The following TNXB variants were observed in gnomAD, a reference collection of about 807,000 sequenced individuals.
TNXB encodes tenascin-X.
Under a neutral mutation model 340.5 loss-of-function variants are expected in TNXB, and 183 were observed. The observed-to-expected ratio is 0.54, with a 90% CI of 0.48 to 0.61. TNXB has a LOEUF of 0.61. Among genes scored for constraint, TNXB ranks in the 20% least tolerant of loss-of-function variants. TNXB has a pLI of 0.00. For synonymous variants in TNXB, 2,121 were observed against 2,314.5 expected (o/e 0.92, Z 2.40); for missense variants, 4,613 against 5,446.4 (o/e 0.85, Z 4.82).
In TNXB at chr6:32,072,300, T is replaced by C; in HGVS notation, c.4682-2A>G. The C allele has an allele frequency of 6.3e-7, 1 of 1,590,324 alleles. No homozygotes were observed. The highest frequency in any genetic ancestry group is 8.6e-7 in the Non-Finnish European group (1 of 1,166,456). ...TGGCTGGGGCTGGTGGGAGGGGAGC[T>C]GGGATTTGGGAAGACAAAGAACATG... is the stretch of plus-strand genomic sequence containing the variant. On this transcript the variant is annotated splice_acceptor_variant, in intron 12 of 43. Coordinates refer to ENST00000644971, the MANE Select transcript of TNXB (RefSeq NM_001365276.2). LOFTEE classifies it high-confidence loss of function. This position sits in a 1 kb window ranked among gnomAD's most constrained non-coding sequence, Gnocchi z 4.4.
chr6:32,066,338 G>A (rs1778336185), intron 18 of TNXB, among the ~76,000 whole-genome samples: 1 of 152,162 alleles, frequency 6.6e-6, no homozygotes, highest in Non-Finnish European at 1.5e-5. Flanking sequence ...GGGCTGCAGT[G>A]AGCTATGATC....
intron 11 of TNXB, chr6:32,078,632 T>C (rs548918422): frequency 6.0e-5 from 15 of 250,654 alleles, no homozygotes; most frequent in East Asian, 1.4e-4. Flanking sequence ...CTTAGATTCA[T>C]GTGCATTCTG....
At chr6:32,104,289 C>A (rs1266508602) in intron 1 of TNXB, among the ~76,000 whole-genome samples, 1 of 152,164 alleles carries the variant, frequency 6.6e-6, no homozygotes, top group Non-Finnish European at 1.5e-5. Context: ...TTGTAAAACA[C>A]CCCAGTCATC....
intron 11 of TNXB, among the ~76,000 whole-genome samples, chr6:32,077,718 C>T (rs1779156737): frequency 6.6e-6 from 1 of 152,204 alleles, no homozygotes; most frequent in South Asian, 2.1e-4. Flanking sequence ...AAGTCACTCA[C>T]TGGATGAGTA....
In TNXB at chr6:32,072,269, C is replaced by T. The variant is rs374179831; in HGVS notation, c.4711G>A (p.Ala1571Thr). ...CGTGGCTCCAGGGGAGGCTTGGAGGCCTCTGTGGCTGGGGCTGGTGGGAGG... is the reference window on the plus strand; with the variant it reads ...CGTGGCTCCAGGGGAGGCTTGGAGGTCTCTGTGGCTGGGGCTGGTGGGAGG... ...APLPPAPATE[A>T]SKPPLEPRLG... The change falls in exon 13 of 44, where the codon GCC (alanine) becomes ACC (threonine). Residue 1571 changes from alanine (A) to threonine (T), a missense_variant. Physicochemically the swap from Ala to Thr is moderately conservative, Grantham distance 58. Transcript: ENST00000644971. This position sits in a 1 kb window ranked among gnomAD's most constrained non-coding sequence, Gnocchi z 4.4. 28 of 1,603,992 alleles carry T rather than the reference C, an allele frequency of 1.7e-5. No homozygotes were observed. Among genetic ancestry groups the T allele is most frequent in the Non-Finnish European group, 2.0e-5 (23 of 1,174,398 alleles).
In TNXB at chr6:32,085,940, G is replaced by A. The variant is rs1407810064; in HGVS notation, c.2958C>T (p.Asp986=). 1.2e-5 allele frequency: 19 copies of A among 1,608,388 alleles called. No homozygotes were observed. The highest frequency in any genetic ancestry group is 1.6e-5 in the Non-Finnish European group (19 of 1,178,846). The stretch of plus-strand genomic sequence containing the variant: ...TGCGCAGTTGGAAGTAGGCAAAGGT[G>A]TCAGGCTGGGCGGTCCAGACCACAC... ...RLRVVWTAQP[D]TFAYFQLRMR... The change falls in exon 7 of 44, where the codon GAC becomes GAT. Residue 986 remains aspartate (D), a synonymous_variant. Coordinates refer to ENST00000644971, the MANE Select transcript of TNXB (RefSeq NM_001365276.2). This position sits in a 1 kb window ranked among gnomAD's most constrained non-coding sequence, Gnocchi z 6.4.
Position 32,048,442 on chromosome 6 carries a change from C to T in TNXB, c.9966G>A (p.Pro3322=), listed in dbSNP as rs750582313. 2.2e-5 allele frequency: 35 copies of T among 1,576,082 alleles called. 1 individual carries two copies. Among genetic ancestry groups the T allele is most frequent in the South Asian group, 1.0e-4 (9 of 86,522 alleles). ...AGAGCAGGAACTTGTACTTGCGGGCCGGGTCCAGCCCCGAGACGGCGACCG... is the reference window on the plus strand; with the variant it reads ...AGAGCAGGAACTTGTACTTGCGGGCTGGGTCCAGCCCCGAGACGGCGACCG... ...LRAVAVSGLD[P]ARKYKFLLFG... is the part of the protein sequence containing the mutation. The change falls in exon 29 of 44, where the codon CCG becomes CCA. Residue 3322 remains proline (P), a synonymous_variant. Transcript: ENST00000644971.
At chr6:32,048,697 G>A (rs778066776) in intron 28 of TNXB, 47 bp from the exon 29 acceptor site, 15 of 1,379,022 alleles carry the variant, frequency 1.1e-5, no homozygotes, top group South Asian at 6.7e-5. Flanking sequence ...AGGACCCTGC[G>A]CAAGGGAGGC....
rs771698162 is a variant in TNXB at position 32,052,748 on chromosome 6, C to T, written c.9037G>A (p.Gly3013Arg). Residue 3013 changes from glycine (G) to arginine (R), a missense_variant, in exon 26 of 44, where the codon GGG (glycine) becomes AGG (arginine). Transcript: ENST00000644971. This position sits in a 1 kb window ranked among gnomAD's most constrained non-coding sequence, Gnocchi z 4.7. Reference protein sequence around the residue: ...SEVTVGGLEPGCKYKMHLYGL... With the variant: ...SEVTVGGLEPRCKYKMHLYGL... ...TACAGGTGCATCTTGTATTTGCACC[C>T]GGGCTCCAGGCCCCCCACGGTGACC... 31 of 1,613,700 alleles carry T rather than the reference C, an allele frequency of 1.9e-5. No homozygotes were observed. Among genetic ancestry groups the T allele is most frequent in the Middle Eastern group, 1.6e-4 (1 of 6,082 alleles).
At position 32,062,830 on chromosome 6, in the gene TNXB, C is replaced by T. The variant is rs972674316; in HGVS notation, c.6842-347G>A. On this transcript the variant is annotated intron_variant, in intron 19 of 43. Coordinates refer to ENST00000644971, the MANE Select transcript of TNXB (RefSeq NM_001365276.2). This position sits in a 1 kb window ranked among gnomAD's most constrained non-coding sequence, Gnocchi z 4.3. ...CAGCACTTTGGGAGGCCGAGGCGGG[C>T]GGATCATGAGGTCAGGAGATTGAGA... 5.6e-5 allele frequency among the ~76,000 whole-genome samples: 8 copies of T among 143,236 alleles called. No homozygotes were observed. The highest frequency in any genetic ancestry group is 9.2e-5 in the Non-Finnish European group (6 of 65,042). 94.0% of individuals were successfully genotyped at this position (143,236 alleles called of 152,430 possible). A position where few individuals can be genotyped will look rare whatever the true frequency, so the allele number is the denominator to read the frequency against.
intron 1 of TNXB, among the ~76,000 whole-genome samples, chr6:32,099,598 A>C (rs1392522777): frequency 6.6e-6 from 1 of 152,092 alleles, no homozygotes; most frequent in East Asian, 1.9e-4. Context: ...TCCTGGGCTC[A>C]AGCCATCCTC....
Position 32,047,116 on chromosome 6 carries a change from C to T in TNXB, c.10324+618G>A, listed in dbSNP as rs929734570. Among the ~76,000 whole-genome samples, 39 of 152,202 alleles carry T rather than the reference C, an allele frequency of 2.6e-4. No individual in the cohort carries two copies. Among genetic ancestry groups the T allele is most frequent in the African/African-American group, 8.9e-4 (37 of 41,452 alleles). Reference sequence around the variant, plus strand: ...GGCCGATGGGTGGGGATCTGTACCCCGTCCCCACAGTGAGGGTTTGGGAAG... The same window carrying T: ...GGCCGATGGGTGGGGATCTGTACCCTGTCCCCACAGTGAGGGTTTGGGAAG... On this transcript the variant is annotated intron_variant, in intron 30 of 43. Transcript: ENST00000644971. This position sits in a 1 kb window ranked among gnomAD's most constrained non-coding sequence, Gnocchi z 6.2.
At position 32,084,552 on chromosome 6, in the gene TNXB, C is replaced by A. The variant is rs1447724460; in HGVS notation, c.3306G>T (p.Gln1102His). The A allele has an allele frequency of 1.2e-6, 2 of 1,608,764 alleles. No homozygotes were observed. The highest frequency in any genetic ancestry group is 1.7e-6 in the Non-Finnish European group (2 of 1,178,688). Residue 1102 changes from glutamine (Q) to histidine (H), a missense_variant, in exon 8 of 44, where the codon CAG becomes CAT. Transcript: ENST00000644971. The surrounding 1 kb of genome is among the most constrained non-coding windows in gnomAD (Gnocchi z 5.5). ...FVIQYKDRDG[Q>H]PQVVPVEGPQ... ...GTCCTTCCACGGGCACCACCTGGGG[C>A]TGCCCGTCCCTGTCTTTGTACTGGA...
intron 18 of TNXB, among the ~76,000 whole-genome samples, chr6:32,065,559 G>C (rs957462497): frequency 1.6e-4 from 24 of 152,164 alleles, no homozygotes; most frequent in African/African-American, 5.8e-4. Flanking sequence ...CTGGATACTT[G>C]ATATCAAGGC....
Position 32,095,894 on chromosome 6 carries a change from C to T in TNXB, c.1959G>A (p.Pro653=). The T allele has an allele frequency of 7.4e-6, 12 of 1,612,580 alleles. No homozygotes were observed. The highest frequency in any genetic ancestry group is 1.0e-5 in the Non-Finnish European group (12 of 1,179,458). ...ACCGCCCACGTCCCCGGCAGTCAGC[C>T]GGGCACATGCGGGTGGCACAGGTAG... is the stretch of plus-strand genomic sequence containing the variant. ...TGPTCATRMC[P]ADCRGRGRCV... Residue 653 remains proline, a synonymous_variant, in exon 3 of 44, where the codon CCG becomes CCA. Transcript: ENST00000644971.
chr6:32,054,081 C>G (rs933735931), intron 24 of TNXB, among the ~76,000 whole-genome samples: 3 of 152,182 alleles, frequency 2.0e-5, no homozygotes, highest in African/African-American at 7.2e-5. Flanking sequence ...GCACACTCCT[C>G]CCGAGGCCAG....
At position 32,073,552 on chromosome 6, in the gene TNXB, G is replaced by T; in HGVS notation, c.4681+95C>A. 1 of 1,145,052 alleles carries T rather than the reference G, an allele frequency of 8.7e-7. No homozygotes were observed. The highest frequency in any genetic ancestry group is 1.2e-6 in the Non-Finnish European group (1 of 806,616). 70.9% of individuals were successfully genotyped at this position (1,145,052 alleles called of 1,614,324 possible). On this transcript the variant is annotated intron_variant, in intron 12 of 43. Coordinates refer to ENST00000644971, the MANE Select transcript of TNXB (RefSeq NM_001365276.2). The surrounding 1 kb of genome is among the most constrained non-coding windows in gnomAD (Gnocchi z 4.6). ...TGAGGGGATCTAGCCCCTCAGTGAGGGTGCGGTGGTACCAAGGCAGGGCTG... is the reference window on the plus strand; with the variant it reads ...TGAGGGGATCTAGCCCCTCAGTGAGTGTGCGGTGGTACCAAGGCAGGGCTG...
Position 32,096,455 on chromosome 6 carries a change from A to T in TNXB, c.1398T>A (p.Cys466Ter). The change falls in exon 3 of 44, where the codon TGT (cysteine) becomes TGA (stop). Residue 466 changes from cysteine to a stop codon, truncating the protein, a stop_gained. Transcript: ENST00000644971. LOFTEE classifies it high-confidence loss of function. Reference sequence around the variant, plus strand: ...GGCCCCGGCCACGACAGTCCCCAGGACAGCTGCGCACACCGCAGTCCTCGC... The same window carrying T: ...GGCCCCGGCCACGACAGTCCCCAGGTCAGCTGCGCACACCGCAGTCCTCGC... ...YSGEDCGVRS[C>*]PGDCRGRGRC... The T allele has an allele frequency of 6.3e-7, 1 of 1,593,590 alleles. No individual in the cohort carries two copies. Among genetic ancestry groups the T allele is most frequent in the Non-Finnish European group, 8.5e-7 (1 of 1,177,244 alleles).
At position 32,106,992 on chromosome 6, in the gene TNXB, C is replaced by T. The variant is rs767295072; in HGVS notation, c.-9+2189G>A. 2.6e-5 allele frequency among the ~76,000 whole-genome samples: 4 copies of T among 152,274 alleles called. No homozygotes were observed. The East Asian group carries it at 7.7e-4, about 29-fold the overall frequency. Reference sequence around the variant, plus strand: ...ACACATATGGGTGCCCATGCACACACGTGCACACACACCCAATCTCCCCTT... The same window carrying T: ...ACACATATGGGTGCCCATGCACACATGTGCACACACACCCAATCTCCCCTT... On this transcript the variant is annotated intron_variant, in intron 1 of 43. Transcript: ENST00000644971.
Sources: gnomAD v4.1 joint callset for allele counts (sites outside exome capture counted in the v4.1 genomes callset) on GRCh38, gnomAD v4.1.1 for gene constraint, Gnocchi (gnomAD v3.1) non-coding constraint, MANE v1.5 for transcripts, NCBI Gene and HGNC (gene_info 2026-07-23, HGNC 2026-07-21) for gene names.